UGT8: variants seen among roughly 807,000 people sequenced by gnomAD.
UGT8 encodes UDP glycosyltransferase 8.
In UGT8, 12 loss-of-function variants were observed where a neutral mutation model predicts 40.5. The observed-to-expected ratio is 0.30, with a 90% CI of 0.19 to 0.48. The LOEUF is 0.48. Ranked by LOEUF, UGT8 falls within the 20% of genes least tolerant of loss-of-function variation. UGT8 has a pLI of 0.99. For synonymous variants in UGT8, 224 were observed against 240.4 expected (o/e 0.93, Z 0.63); for missense variants, 513 against 648.7 (o/e 0.79, Z 2.27).
chr4:114,646,708 A>G (rs186053908), intron 2 of UGT8, among the ~76,000 whole-genome samples: 15 of 152,352 alleles, frequency 9.8e-5, no homozygotes, highest in Admixed American at 6.5e-4. Context: ...CAAATTGGCA[A>G]GTCTCTTGAA....
chr4:114,644,183 T>C lies in UGT8; in HGVS notation c.823-19812T>C, dbSNP rs546791365. Among the ~76,000 whole-genome samples, 8 of 152,224 alleles carry C rather than the reference T, an allele frequency of 5.3e-5. No individual in the cohort carries two copies. In the East Asian group the frequency reaches 1.5e-3, roughly 29 times the overall value. ...ACACAGCCTGAATTCCCTCTCAAAG[T>C]TTCCTTATATTTTTCAAACCTTGAA... On this transcript the variant is annotated intron_variant, in intron 2 of 5. Coordinates refer to ENST00000310836, the MANE Select transcript of UGT8 (RefSeq NM_001128174.3).
At chr4:114,616,242 C>T (rs935390670) in intron 1 of UGT8, among the ~76,000 whole-genome samples, 6 of 152,192 alleles carry the variant, frequency 3.9e-5, no homozygotes, top group African/African-American at 1.2e-4. Context: ...CTGCAGTGGG[C>T]TCCACCCAGT....
chr4:114,635,458 T>G (rs896090469), intron 2 of UGT8, among the ~76,000 whole-genome samples: 6 of 152,206 alleles, frequency 3.9e-5, no homozygotes, highest in South Asian at 2.1e-4. Flanking sequence ...TTGAAAGACT[T>G]TTTTTCTTCA....
At chr4:114,600,761 G>C (rs1730396168) in intron 1 of UGT8, among the ~76,000 whole-genome samples, 1 of 151,916 alleles carries the variant, frequency 6.6e-6, no homozygotes, top group Non-Finnish European at 1.5e-5. Context: ...TGTGTTACTT[G>C]AATTAAATCT....
chr4:114,662,694 AT>A (rs1445863341), intron 2 of UGT8, among the ~76,000 whole-genome samples: 4 of 152,118 alleles, frequency 2.6e-5, no homozygotes, highest in Non-Finnish European at 5.9e-5. Flanking sequence ...GAGAAAGTTA[AT>A]ACAGATCTCT....
At chr4:114,626,501 G>C (rs1183228499) in intron 2 of UGT8, among the ~76,000 whole-genome samples, 1 of 152,130 alleles carries the variant, frequency 6.6e-6, no homozygotes, top group African/African-American at 2.4e-5. Flanking sequence ...ATTTATAAAG[G>C]ACATTTTAAA....
chr4:114,650,733 C>T (rs1183934923), intron 2 of UGT8, among the ~76,000 whole-genome samples: 1 of 152,038 alleles, frequency 6.6e-6, no homozygotes, highest in Admixed American at 6.6e-5. Context: ...TACAGGAATC[C>T]AGAAGAACTC....
At chr4:114,654,540 A>G (rs1398835575) in intron 2 of UGT8, among the ~76,000 whole-genome samples, 1 of 152,096 alleles carries the variant, frequency 6.6e-6, no homozygotes, top group Non-Finnish European at 1.5e-5. Context: ...CTTGAGAGCT[A>G]GAGGCTGGAA....
intron 2 of UGT8, among the ~76,000 whole-genome samples, chr4:114,644,040 T>C (rs1465876557): frequency 6.6e-6 from 1 of 152,004 alleles, no homozygotes; most frequent in Non-Finnish European, 1.5e-5. Flanking sequence ...CTTTCTTCTC[T>C]GAATCTAATC....
intron 2 of UGT8, among the ~76,000 whole-genome samples, chr4:114,658,241 A>C (rs1734305531): frequency 2.0e-5 from 3 of 152,188 alleles, no homozygotes; most frequent in African/African-American, 7.2e-5. Context: ...AAAGAGGCCT[A>C]TTGATGTTGG....
chr4:114,670,992 C>T (rs528542832), intron 5 of UGT8, among the ~76,000 whole-genome samples: 18 of 152,192 alleles, frequency 1.2e-4, no homozygotes, highest in Non-Finnish European at 1.8e-4. Context: ...GTGCAAAAAT[C>T]GCAAGCATTC....
intron 2 of UGT8, among the ~76,000 whole-genome samples, chr4:114,630,419 A>G (rs1375177077): frequency 6.6e-6 from 1 of 152,218 alleles, no homozygotes; most frequent in Non-Finnish European, 1.5e-5. Context: ...TGGTGGTGGC[A>G]GTTATTACTC....
At chr4:114,611,668 A>T (rs1429031645) in intron 1 of UGT8, among the ~76,000 whole-genome samples, 1 of 150,500 alleles carries the variant, frequency 6.6e-6, no homozygotes, top group Admixed American at 6.6e-5. Context: ...ATAATCATAG[A>T]TACTTGGAAG....
intron 4 of UGT8, among the ~76,000 whole-genome samples, chr4:114,666,861 A>T (rs1282812111): frequency 1.3e-5 from 2 of 152,102 alleles, no homozygotes; most frequent in African/African-American, 4.8e-5. Flanking sequence ...ATCTTTTTTA[A>T]CAATAGGCAC....
At chr4:114,670,733 C>T (rs1311511374) in intron 5 of UGT8, among the ~76,000 whole-genome samples, 1 of 152,084 alleles carries the variant, frequency 6.6e-6, no homozygotes. Flanking sequence ...AGGCTGGAAG[C>T]ATTCCCTTTG....
chr4:114,621,282 A>C (rs552689741), intron 1 of UGT8, among the ~76,000 whole-genome samples: 1 of 152,278 alleles, frequency 6.6e-6, no homozygotes, highest in African/African-American at 2.4e-5. Flanking sequence ...TTTTTCAATA[A>C]GTATTTACTG....
intron 2 of UGT8, among the ~76,000 whole-genome samples, chr4:114,654,455 T>C (rs2126125034): frequency 6.6e-6 from 1 of 152,170 alleles, no homozygotes; most frequent in South Asian, 2.1e-4. Flanking sequence ...ATTATACCTA[T>C]AGTTGAGGAA....
chr4:114,605,090 A>G (rs1015552446), intron 1 of UGT8, among the ~76,000 whole-genome samples: 5 of 152,206 alleles, frequency 3.3e-5, no homozygotes, highest in Non-Finnish European at 7.4e-5. Flanking sequence ...CAGAGATAAC[A>G]GATGCCAAGT....
intron 2 of UGT8, among the ~76,000 whole-genome samples, chr4:114,635,461 TTTC>T (rs2126109220): frequency 6.6e-6 from 1 of 152,368 alleles, no homozygotes; most frequent in African/African-American, 2.4e-5. Context: ...AAAGACTTTT[TTTC>T]TTCAACTATA....
Sources: gnomAD v4.1 joint callset for allele counts (sites outside exome capture counted in the v4.1 genomes callset) on GRCh38, gnomAD v4.1.1 for gene constraint, MANE v1.5 for transcripts, NCBI Gene and HGNC (gene_info 2026-07-23, HGNC 2026-07-21) for gene names.